The following LMLN variants were observed in gnomAD, a reference collection of about 807,000 sequenced individuals.
LMLN encodes leishmanolysin-like peptidase.
A neutral mutation model predicts 92.3 loss-of-function variants in LMLN; 70 were observed. The ratio of observed to expected loss-of-function variants is 0.76; its 90% CI spans 0.63 to 0.92. LMLN has a LOEUF of 0.92. Ranked by LOEUF, LMLN falls within the 40% of genes least tolerant of loss-of-function variation. LMLN has a pLI of 0.00. For synonymous variants in LMLN, 308 were observed against 296.2 expected (o/e 1.04, Z -0.41); for missense variants, 691 against 814.6 (o/e 0.85, Z 1.85).
At chr3:198,001,659 C>T (rs1049988072) in intron 11 of LMLN, among the ~76,000 whole-genome samples, 2 of 152,168 alleles carry the variant, frequency 1.3e-5, no homozygotes, top group Non-Finnish European at 2.9e-5. Context: ...TGGAGCACCG[C>T]GACTCCTTCA....
At chr3:198,013,141 C>T (rs1275327412) in intron 11 of LMLN, among the ~76,000 whole-genome samples, 11 of 119,940 alleles carry the variant, frequency 9.2e-5, no homozygotes, top group African/African-American at 4.3e-4. Flanking sequence ...CCCCTCAGAG[C>T]CCCCTAACTA....
intron 1 of LMLN, among the ~76,000 whole-genome samples, 167 bp from the exon 2 acceptor site, chr3:197,974,210 G>T (rs1484523429): frequency 6.6e-6 from 1 of 152,200 alleles, no homozygotes; most frequent in African/African-American, 2.4e-5. Flanking sequence ...GGCAGCCCTT[G>T]CTTGGGAGAG....
intron 15 of LMLN, among the ~76,000 whole-genome samples, chr3:198,036,796 A>C (rs955471743): frequency 1.3e-5 from 2 of 152,228 alleles, no homozygotes; most frequent in African/African-American, 4.8e-5. Flanking sequence ...TTTGATTTAA[A>C]TGACCTATGA....
chr3:198,029,715 C>G (rs1438754473), intron 14 of LMLN, among the ~76,000 whole-genome samples: 2 of 151,710 alleles, frequency 1.3e-5, no homozygotes, highest in Non-Finnish European at 2.9e-5. Context: ...AAACTAGAGC[C>G]TCTGTTATTA....
intron 11 of LMLN, among the ~76,000 whole-genome samples, chr3:198,008,877 G>T (rs1722362530): frequency 6.6e-6 from 1 of 152,086 alleles, no homozygotes; most frequent in Non-Finnish European, 1.5e-5. Flanking sequence ...TTTCTCTTGA[G>T]ATTTCTTCTT....
intron 4 of LMLN, 139 bp from the exon 5 acceptor site, chr3:197,976,459 T>C (rs1193284706): frequency 1.8e-6 from 1 of 554,702 alleles, no homozygotes; most frequent in Admixed American, 2.9e-5. Flanking sequence ...CCCAAATTCT[T>C]TCTTAGCTAC....
chr3:197,983,147 G>C lies in LMLN; in HGVS notation c.729-796G>C, dbSNP rs11917898. 7.3e-3 allele frequency among the ~76,000 whole-genome samples: 1,106 copies of C among 152,280 alleles called. 4 individuals are homozygous for C. Among genetic ancestry groups the C allele is most frequent in the Non-Finnish European group, 0.012 (814 of 68,018 alleles). Reference sequence around the variant, plus strand: ...CTATTACCTATGAAGAAAATATAAAGTATTTAACAATTTAAATAAGATAAA... The same window carrying C: ...CTATTACCTATGAAGAAAATATAAACTATTTAACAATTTAAATAAGATAAA... On this transcript the variant is annotated intron_variant, in intron 6 of 15. Transcript: ENST00000330198.
intron 10 of LMLN, among the ~76,000 whole-genome samples, chr3:197,997,565 T>C (rs1046892614): frequency 5.3e-5 from 8 of 152,236 alleles, no homozygotes; most frequent in African/African-American, 1.7e-4. Context: ...AGTAAACACT[T>C]GCACGCAGAG....
intron 14 of LMLN, among the ~76,000 whole-genome samples, chr3:198,030,974 C>T (rs1358368123): frequency 6.9e-6 from 1 of 145,510 alleles, no homozygotes; most frequent in East Asian, 2.0e-4. Flanking sequence ...CCCTCAGGGT[C>T]CTCAGCTAGT....
chr3:198,021,568 G>T, exon 13 of LMLN: 1 of 1,614,162 alleles, frequency 6.2e-7, no homozygotes. Context: ...GTGAATATCA[G>T]CGCAGCTCAG....
At chr3:198,018,216 A>G (rs1334040709) in intron 11 of LMLN, among the ~76,000 whole-genome samples, 1 of 152,234 alleles carries the variant, frequency 6.6e-6, no homozygotes, top group Non-Finnish European at 1.5e-5. Flanking sequence ...CTTTCATGGT[A>G]TCAAGAAAGT....
chr3:198,028,087 G>A (rs765176678), intron 14 of LMLN, among the ~76,000 whole-genome samples: 4 of 152,088 alleles, frequency 2.6e-5, no homozygotes, highest in Non-Finnish European at 4.4e-5. Flanking sequence ...CCACACACTC[G>A]TGGCCTTCCG....
chr3:198,016,194 C>CAAAAAAAAAAAAA (rs202075630), intron 11 of LMLN, among the ~76,000 whole-genome samples: 1 of 83,854 alleles, frequency 1.2e-5, no homozygotes. Context: ...GTTGCAAAAA[C>CAAAAAAAAAAAAA]AAAAAAAAAA....
intron 1 of LMLN, among the ~76,000 whole-genome samples, chr3:197,971,820 T>C (rs1721231834): frequency 6.6e-6 from 1 of 152,154 alleles, no homozygotes; most frequent in Non-Finnish European, 1.5e-5. Context: ...TTTCACCAAA[T>C]TTGAAATTTT....
At chr3:197,997,521 G>T (rs1329466687) in intron 10 of LMLN, among the ~76,000 whole-genome samples, 2 of 152,216 alleles carry the variant, frequency 1.3e-5, no homozygotes, top group Non-Finnish European at 2.9e-5. Context: ...TTGAGGACAG[G>T]GGTAAAGTGT....
intron 9 of LMLN, among the ~76,000 whole-genome samples, chr3:197,995,634 C>CT (rs912682505): frequency 3.3e-5 from 5 of 150,624 alleles, no homozygotes; most frequent in Non-Finnish European, 4.4e-5. Context: ...GGGTGTAACA[C>CT]TTTTTTTTTC....
chr3:197,976,820 C>G, intron 5 of LMLN, 105 bp downstream of exon 5: 1 of 512,916 alleles, frequency 1.9e-6, no homozygotes, highest in East Asian at 3.1e-5. Context: ...TAGTAGCTTC[C>G]TTGGTCTACA....
At chr3:198,036,378 A>C (rs1239828114) in intron 15 of LMLN, among the ~76,000 whole-genome samples, 3 of 152,224 alleles carry the variant, frequency 2.0e-5, no homozygotes, top group African/African-American at 7.2e-5. Flanking sequence ...TAAATACAAA[A>C]AGTAATTAAA....
At chr3:197,984,137 T>C in intron 7 of LMLN, 89 bp downstream of exon 7, 2 of 783,082 alleles carry the variant, frequency 2.6e-6, no homozygotes, top group East Asian at 5.0e-5. Flanking sequence ...CACTTTAAGA[T>C]GATGTGGATT....
Sources: allele counts gnomAD v4.1 joint callset (sites outside exome capture counted in the v4.1 genomes callset), GRCh38; gene constraint gnomAD v4.1.1; transcripts MANE v1.5; gene names NCBI Gene and HGNC (gene_info 2026-07-23, HGNC 2026-07-21).